The following ARHGEF28 variants were observed in gnomAD, a reference collection of about 807,000 sequenced individuals.
ARHGEF28 encodes Rho guanine nucleotide exchange factor 28, also known as 190 kDa guanine nucleotide exchange factor.
ARHGEF28 carries 152 observed loss-of-function variants against 206.6 expected under a neutral mutation model. The ratio of observed to expected loss-of-function variants is 0.74; its 90% confidence interval spans 0.64 to 0.84. The LOEUF (loss-of-function observed/expected upper bound fraction) is 0.84, where lower values mean the gene tolerates loss of function less well. Ranked by LOEUF, ARHGEF28 falls within the 40% of genes least tolerant of loss-of-function variation. The probability of loss-of-function intolerance (pLI) is 0.00; values close to 1 mark genes in which losing one functional copy is unlikely to be tolerated. For missense variants in ARHGEF28, 2,028 were observed against 2,073.2 expected, an observed-to-expected ratio of 0.98 and a Z score of 0.42; for synonymous variants, 763 against 776.4, an observed-to-expected ratio of 0.98 and a Z score of 0.29.
chr5:73,922,996 A>T, intron 35 of ARHGEF28: 1 of 1,217,738 alleles, frequency 8.2e-7, no homozygotes, highest in South Asian at 1.4e-5. Flanking sequence ...TTGGCATGGA[A>T]ATTGGAGGGA....
intron 2 of ARHGEF28, among the ~76,000 whole-genome samples, chr5:73,710,318 T>C (rs1749164237): frequency 1.3e-5 from 2 of 152,240 alleles, no homozygotes; most frequent in African/African-American, 2.4e-5. Context: ...ATGCTGAGTA[T>C]CTTTTCATAT....
intron 9 of ARHGEF28, among the ~76,000 whole-genome samples, chr5:73,804,961 G>A (rs1755353146): frequency 6.6e-6 from 1 of 152,188 alleles, no homozygotes; most frequent in Non-Finnish European, 1.5e-5. Flanking sequence ...ATACTTGTGG[G>A]TGTGGTGTCT....
chr5:73,758,104 G>T (rs145479602), intron 4 of ARHGEF28, among the ~76,000 whole-genome samples: 1 of 152,082 alleles, frequency 6.6e-6, no homozygotes, highest in Non-Finnish European at 1.5e-5. Context: ...CACCAAGCTT[G>T]CCAACACCAG....
At chr5:73,630,715 C>T (rs776662469) in intron 1 of ARHGEF28, among the ~76,000 whole-genome samples, 2 of 152,110 alleles carry the variant, frequency 1.3e-5, no homozygotes, top group African/African-American at 2.4e-5. Context: ...CCTATCTGGT[C>T]CCAGTTTCCT....
intron 22 of ARHGEF28, among the ~76,000 whole-genome samples, chr5:73,875,630 C>T (rs1191149955): frequency 6.6e-6 from 1 of 152,024 alleles, no homozygotes; most frequent in Non-Finnish European, 1.5e-5. Flanking sequence ...TTTCAGCTTT[C>T]TACATATGGC....
chr5:73,661,221 T>C (rs1181572330), intron 1 of ARHGEF28, among the ~76,000 whole-genome samples: 1 of 152,226 alleles, frequency 6.6e-6, no homozygotes, highest in Non-Finnish European at 1.5e-5. Context: ...GATGGCTTCT[T>C]AAACCTCATG....
At chr5:73,658,433 G>T (rs954272028) in intron 1 of ARHGEF28, among the ~76,000 whole-genome samples, 1 of 152,196 alleles carries the variant, frequency 6.6e-6, no homozygotes, top group Non-Finnish European at 1.5e-5. Flanking sequence ...AGGGACTATT[G>T]TAGGCACACA....
chr5:73,782,940 C>T (rs980424345), intron 7 of ARHGEF28, among the ~76,000 whole-genome samples: 8 of 152,112 alleles, frequency 5.3e-5, no homozygotes, highest in East Asian at 1.9e-4. Context: ...TTATTTAAGC[C>T]TCTGCCCTTA....
chr5:73,831,952 A>C (rs866912741), intron 9 of ARHGEF28, among the ~76,000 whole-genome samples: 21 of 152,312 alleles, frequency 1.4e-4, no homozygotes, highest in African/African-American at 3.6e-4. Context: ...TGGCTTCCCA[A>C]AGTGCTGGGA....
intron 1 of ARHGEF28, among the ~76,000 whole-genome samples, chr5:73,661,317 C>T (rs1745587085): frequency 6.6e-6 from 1 of 152,116 alleles, no homozygotes; most frequent in African/African-American, 2.4e-5. Flanking sequence ...TAGGGCTTTG[C>T]TCTGGATTAG....
At chr5:73,815,482 G>A (rs1026233039) in intron 9 of ARHGEF28, among the ~76,000 whole-genome samples, 2 of 152,168 alleles carry the variant, frequency 1.3e-5, no homozygotes, top group Non-Finnish European at 2.9e-5. Context: ...AATATTATCA[G>A]TTCTGGTATA....
intron 20 of ARHGEF28, among the ~76,000 whole-genome samples, chr5:73,869,225 A>AGG (rs1554072930): frequency 7.9e-6 from 1 of 126,146 alleles, no homozygotes; most frequent in African/African-American, 3.2e-5. Context: ...TGTGGGGTGG[A>AGG]GGGGGGTGGG....
intron 4 of ARHGEF28, among the ~76,000 whole-genome samples, chr5:73,757,816 G>A (rs770253258): frequency 3.9e-5 from 6 of 152,106 alleles, no homozygotes; most frequent in Admixed American, 1.3e-4. Flanking sequence ...GCCCAAATTT[G>A]GAGTAAAGCA....
At chr5:73,830,613 A>G (rs1055685069) in intron 9 of ARHGEF28, among the ~76,000 whole-genome samples, 6 of 152,012 alleles carry the variant, frequency 3.9e-5, no homozygotes, top group African/African-American at 9.7e-5. Context: ...TGTTTCCTCC[A>G]GAAGCTTAAT....
rs142729537 is a variant in ARHGEF28 at position 73,632,905 on chromosome 5, T to G, written c.-12+6583T>G. ...ATGGTTTCAGGATGATTCAAGTGCA[T>G]TATGTTTATTGTACATTTTATATAA... On this transcript the variant is annotated intron_variant, in intron 1 of 35. Transcript: ENST00000513042. Among the ~76,000 whole-genome samples the G allele has an allele frequency of 2.1e-3, 322 of 152,192 alleles. 1 individual carries two copies. The highest frequency in any genetic ancestry group is 7.9e-3 in the East Asian group (41 of 5,176).
At chr5:73,928,507 G>A (rs1159565426) in intron 35 of ARHGEF28, among the ~76,000 whole-genome samples, 1 of 152,092 alleles carries the variant, frequency 6.6e-6, no homozygotes, top group Non-Finnish European at 1.5e-5. Context: ...TTAAGAAGCA[G>A]GTAGAACTAA....
In ARHGEF28 at chr5:73,780,795, A is replaced by G. The variant is rs1423884314; in HGVS notation, c.910+50A>G. The G allele has an allele frequency of 3.3e-6, 5 of 1,534,570 alleles. No homozygotes were observed. The South Asian group carries it at 3.6e-5, about 11-fold the overall frequency. On this transcript the variant is annotated intron_variant, in intron 7 of 35. Coordinates refer to ENST00000513042, the MANE Select transcript of ARHGEF28 (RefSeq NM_001177693.2). ...TGGCAGCCACAGAGTGCTCTGGACCAACAATCTAACCAGTCCGTTGAAGTG... is the reference window on the plus strand; with the variant it reads ...TGGCAGCCACAGAGTGCTCTGGACCGACAATCTAACCAGTCCGTTGAAGTG...
intron 20 of ARHGEF28, among the ~76,000 whole-genome samples, chr5:73,869,247 A>G (rs1759923247): frequency 6.7e-6 from 1 of 148,702 alleles, no homozygotes; most frequent in Non-Finnish European, 1.5e-5. Flanking sequence ...AAGGGCATGT[A>G]TGTATGTGTG....
chr5:73,686,621 C>T (rs1175747896), intron 2 of ARHGEF28, among the ~76,000 whole-genome samples: 2 of 151,166 alleles, frequency 1.3e-5, no homozygotes, highest in Non-Finnish European at 2.9e-5. Flanking sequence ...CGGGTTCACG[C>T]TATTCTTCTG....
Sources: allele counts gnomAD v4.1 joint callset (sites outside exome capture counted in the v4.1 genomes callset), GRCh38; gene constraint gnomAD v4.1.1; transcripts MANE v1.5; gene names NCBI Gene and HGNC (gene_info 2026-07-23, HGNC 2026-07-21).